Variants in TNFSF4 observed in about 807,000 individuals in gnomAD.
TNFSF4 encodes TNF superfamily member 4, also known as tumor necrosis factor ligand superfamily member 4.
Under a neutral mutation model 7.3 loss-of-function variants are expected in TNFSF4, and 4 were observed. That is an observed-to-expected ratio of 0.55 (90% CI 0.27 to 1.25). TNFSF4 has a LOEUF of 1.25. Among genes scored for constraint, TNFSF4 ranks in the 50% most tolerant of loss-of-function variants. The probability of loss-of-function intolerance (pLI) is 0.12; values close to 1 mark genes in which losing one functional copy is unlikely to be tolerated. For synonymous variants in TNFSF4, 76 were observed against 83.7 expected, an observed-to-expected ratio of 0.91 and a Z score of 0.50; for missense variants, 181 against 208.8, an observed-to-expected ratio of 0.87 and a Z score of 0.82.
chr1:173,205,484 C>T, intron 1 of TNFSF4: 4 of 1,497,328 alleles, frequency 2.7e-6, no homozygotes, highest in Non-Finnish European at 3.6e-6. Context: ...AACTGTGGTT[C>T]ACCTTTTGCT....
the TNFSF4 span, among the ~76,000 whole-genome samples, chr1:173,337,232 C>T: frequency 2.0e-4 from 30 of 152,146 alleles, no homozygotes; most frequent in Non-Finnish European, 3.4e-4. Flanking sequence ...TATTGAGAAA[C>T]AACTCTTGGC....
chr1:173,278,506 T>C, the TNFSF4 span, among the ~76,000 whole-genome samples: 2 of 152,100 alleles, frequency 1.3e-5, no homozygotes, highest in African/African-American at 2.4e-5. Context: ...TTTATGCCAT[T>C]CCCAGCATCA....
At chr1:173,416,526 C>A in the TNFSF4 span, among the ~76,000 whole-genome samples, 2 of 152,080 alleles carry the variant, frequency 1.3e-5, no homozygotes, top group African/African-American at 2.4e-5. Flanking sequence ...GGTCTCCCAG[C>A]CCAGTAACAA....
At chr1:173,443,980 G>A in the TNFSF4 span, among the ~76,000 whole-genome samples, 1 of 152,128 alleles carries the variant, frequency 6.6e-6, no homozygotes, top group Non-Finnish European at 1.5e-5. Flanking sequence ...TGTTGCCACA[G>A]AGGCCTAAGA....
At chr1:173,381,088 A>G in the TNFSF4 span, among the ~76,000 whole-genome samples, 36 of 152,306 alleles carry the variant, frequency 2.4e-4, no homozygotes, top group African/African-American at 7.9e-4. Context: ...CTGCTACAGG[A>G]ACCGGAATAG....
At chr1:173,240,082 A>G in the TNFSF4 span, among the ~76,000 whole-genome samples, 5 of 152,200 alleles carry the variant, frequency 3.3e-5, no homozygotes, top group Middle Eastern at 3.4e-3. Context: ...GTCAAACTCC[A>G]AAAGTCAGTT....
At chr1:173,179,531 C>T (rs1420360633), downstream of TNFSF4, among the ~76,000 whole-genome samples, 1 of 152,164 alleles carries the variant, frequency 6.6e-6, no homozygotes, top group Non-Finnish European at 1.5e-5. Context: ...TCATACCTAA[C>T]ATCCAAATAA....
the TNFSF4 span, among the ~76,000 whole-genome samples, chr1:173,328,868 A>G: frequency 6.6e-6 from 1 of 152,138 alleles, no homozygotes; most frequent in Non-Finnish European, 1.5e-5. Context: ...GAAAAAAAAA[A>G]TGTTTTGTAC....
the TNFSF4 span, among the ~76,000 whole-genome samples, chr1:173,434,314 T>C: frequency 1.3e-5 from 2 of 152,256 alleles, no homozygotes; most frequent in Non-Finnish European, 2.9e-5. Flanking sequence ...GTAGGTGCTT[T>C]TTTGTCCCTA....
the TNFSF4 span, among the ~76,000 whole-genome samples, chr1:173,442,757 G>C: frequency 6.6e-6 from 1 of 151,804 alleles, no homozygotes; most frequent in Non-Finnish European, 1.5e-5. Flanking sequence ...CACCATGTTG[G>C]TCAGGCTGGT....
At chr1:173,424,074 G>C in the TNFSF4 span, among the ~76,000 whole-genome samples, 2 of 152,174 alleles carry the variant, frequency 1.3e-5, no homozygotes, top group Non-Finnish European at 2.9e-5. Context: ...AAGCTCTTTT[G>C]TAAGGACCCT....
chr1:173,248,672 A>G, the TNFSF4 span, among the ~76,000 whole-genome samples: 30 of 152,228 alleles, frequency 2.0e-4, no homozygotes, highest in Non-Finnish European at 4.4e-5. Flanking sequence ...AGAAAAGACA[A>G]GAGAGGCAGG....
the TNFSF4 span, among the ~76,000 whole-genome samples, chr1:173,422,099 G>A: frequency 1.3e-5 from 2 of 152,006 alleles, no homozygotes; most frequent in East Asian, 1.9e-4. Context: ...AAAAAAAAGC[G>A]GCAACAAAGG....
the TNFSF4 span, among the ~76,000 whole-genome samples, chr1:173,297,879 A>T: frequency 6.6e-6 from 1 of 151,946 alleles, no homozygotes; most frequent in Non-Finnish European, 1.5e-5. Flanking sequence ...TCATTCAACT[A>T]TGCCTCCTTG....
At chr1:173,314,224 T>C in the TNFSF4 span, among the ~76,000 whole-genome samples, 2 of 152,158 alleles carry the variant, frequency 1.3e-5, no homozygotes, top group South Asian at 4.1e-4. Context: ...CAGTGATTAT[T>C]CTATTTCTTC....
At chr1:173,428,160 G>T in the TNFSF4 span, among the ~76,000 whole-genome samples, 4 of 151,828 alleles carry the variant, frequency 2.6e-5, no homozygotes, top group African/African-American at 9.7e-5. Flanking sequence ...AGCCAGGCTG[G>T]TCTCCAACTC....
chr1:173,280,491 A>T, the TNFSF4 span, among the ~76,000 whole-genome samples: 3 of 152,160 alleles, frequency 2.0e-5, no homozygotes, highest in Admixed American at 6.6e-5. Context: ...GAACATGAAG[A>T]CAAAACACAA....
chr1:173,200,906 T>C (rs1041078555), intron 1 of TNFSF4, among the ~76,000 whole-genome samples: 2 of 152,238 alleles, frequency 1.3e-5, no homozygotes, highest in African/African-American at 2.4e-5. Flanking sequence ...TCAAGAAGCA[T>C]GTGTTCTTAA....
chr1:173,395,314 C>G, the TNFSF4 span, among the ~76,000 whole-genome samples: 1 of 141,024 alleles, frequency 7.1e-6, no homozygotes, highest in Admixed American at 7.5e-5. Flanking sequence ...CACAAAATAT[C>G]TGCATTGGAT....
Sources: allele counts gnomAD v4.1 joint callset (sites outside exome capture counted in the v4.1 genomes callset), GRCh38; gene constraint gnomAD v4.1.1; transcripts MANE v1.5; gene names NCBI Gene and HGNC (gene_info 2026-07-23, HGNC 2026-07-21).